The following SH3YL1 variants were observed in gnomAD, a reference collection of about 807,000 sequenced individuals.
SH3YL1 encodes SH3 domain-containing YSC84-like protein 1.
Under a neutral mutation model 45.8 loss-of-function variants are expected in SH3YL1, and 41 were observed. The ratio of observed to expected loss-of-function variants is 0.89; its 90% CI spans 0.70 to 1.16. SH3YL1 has a LOEUF of 1.16. Ranked by LOEUF, SH3YL1 falls within the 50% of genes most tolerant of loss-of-function variation. The pLI is 0.00. For missense variants in SH3YL1, 389 were observed against 409.6 expected (o/e 0.95, Z 0.43); for synonymous variants, 152 against 151.4 (o/e 1.00, Z -0.03).
intron 9 of SH3YL1, 88 bp from the exon 10 acceptor site, chr2:219,089 G>A: frequency 9.6e-7 from 1 of 1,043,992 alleles, no homozygotes; most frequent in African/African-American, 1.6e-5. Flanking sequence ...AACCACTTAG[G>A]GCTTGGCATG....
chr2:242,755 A>T, intron 4 of SH3YL1: 1 of 1,486,320 alleles, frequency 6.7e-7, no homozygotes, highest in Non-Finnish European at 8.9e-7. Flanking sequence ...AACAACATCC[A>T]ATTATATGCT....
rs1298980500 is a variant in SH3YL1 at position 249,726 on chromosome 2, C to G, written c.226+5G>C. 1.9e-6 allele frequency: 3 copies of G among 1,548,006 alleles called. No individual in the cohort carries two copies. The highest frequency in any genetic ancestry group is 2.6e-6 in the Non-Finnish European group (3 of 1,143,600). On this transcript the variant is annotated splice_donor_5th_base_variant and intron_variant, in intron 3 of 9. Coordinates refer to ENST00000356150, the MANE Select transcript of SH3YL1 (RefSeq NM_015677.4). Reference sequence around the variant, plus strand: ...CTCTACTCCAGTGAACAGACGCCAACTTACTTCCATCTGGAAGGCGCGCCA... The same window carrying G: ...CTCTACTCCAGTGAACAGACGCCAAGTTACTTCCATCTGGAAGGCGCGCCA...
intron 4 of SH3YL1, among the ~76,000 whole-genome samples, chr2:243,841 G>A (rs527983891): frequency 1.3e-5 from 2 of 152,158 alleles, no homozygotes; most frequent in African/African-American, 4.8e-5. Context: ...TGAAAATAAT[G>A]TGTGTTTTGC....
At chr2:241,836 TA>T (rs1353451957) in intron 4 of SH3YL1, 5 of 152,074 alleles carry the variant, frequency 3.3e-5, no homozygotes, top group Non-Finnish European at 5.9e-5. Context: ...ATTCCCAGAT[TA>T]AAAATTTTTT....
At chr2:223,070 T>C (rs920662088) in intron 9 of SH3YL1, 1 of 152,232 alleles carries the variant, frequency 6.6e-6, no homozygotes, top group Non-Finnish European at 1.5e-5. Flanking sequence ...TAAAGGAATA[T>C]TAACTCAGTT....
chr2:248,163 CTAAG>C (rs1428869692), intron 3 of SH3YL1, among the ~76,000 whole-genome samples: 1 of 152,158 alleles, frequency 6.6e-6, no homozygotes, highest in Non-Finnish European at 1.5e-5. Context: ...CATTTAGAAA[CTAAG>C]TACAGTAATT....
chr2:226,594 C>T (rs80161081), intron 8 of SH3YL1, among the ~76,000 whole-genome samples: 4,342 of 152,090 alleles, frequency 0.029, 80 homozygotes, highest in South Asian at 0.046. Context: ...GTTGAAAATG[C>T]ACTTGGTGGG....
chr2:247,727 C>A, intron 3 of SH3YL1, 125 bp from the exon 4 acceptor site: 1 of 676,700 alleles, frequency 1.5e-6, no homozygotes, highest in East Asian at 2.9e-5. Context: ...GGTATTTCCC[C>A]TGATTTTAAA....
chr2:262,684 G>A, intron 1 of SH3YL1: 1 of 1,303,370 alleles, frequency 7.7e-7, no homozygotes, highest in African/African-American at 1.5e-5. Flanking sequence ...CAGAGTCAGG[G>A]TAGCAGTTAT....
chr2:234,827 C>T (rs1256354086), intron 4 of SH3YL1, among the ~76,000 whole-genome samples: 1 of 152,188 alleles, frequency 6.6e-6, no homozygotes, highest in Non-Finnish European at 1.5e-5. Flanking sequence ...GCTCAACACA[C>T]CAGAAAGCAA....
intron 8 of SH3YL1, chr2:229,756 G>C (rs898025202): frequency 6.4e-6 from 2 of 311,294 alleles, no homozygotes; most frequent in Non-Finnish European, 1.2e-5. Context: ...AAAAGAAAGT[G>C]TCTTATGAAT....
intron 4 of SH3YL1, chr2:242,879 T>A: frequency 1.4e-6 from 2 of 1,472,506 alleles, no homozygotes; most frequent in Admixed American, 5.4e-5. Context: ...ACTCTTTATA[T>A]CAAACAACAA....
At chr2:225,037 T>G in intron 8 of SH3YL1, 117 bp from the exon 9 acceptor site, 1 of 766,824 alleles carries the variant, frequency 1.3e-6, no homozygotes. Flanking sequence ...ACTAAGTTGA[T>G]AGGATCATCA....
In SH3YL1 at chr2:243,405, T is replaced by C. The variant is rs1314958796; in HGVS notation, c.291+4133A>G. On this transcript the variant is annotated intron_variant, in intron 4 of 9. Transcript: ENST00000356150. ...GGGAAATTTATAAATATGTGGACATTAAGCAACACACTCTTAAATAACAAA... is the reference window on the plus strand; with the variant it reads ...GGGAAATTTATAAATATGTGGACATCAAGCAACACACTCTTAAATAACAAA... The C allele has an allele frequency of 3.3e-6, 4 of 1,200,358 alleles. No individual in the cohort carries two copies. In the East Asian group the frequency reaches 8.5e-5, roughly 26 times the overall value. The allele number at this position is 1,200,358 out of a possible 1,614,324, so 74.4% of individuals were successfully genotyped here. A position where few individuals can be genotyped will look rare whatever the true frequency, so the allele number is the denominator to read the frequency against.
Position 224,850 on chromosome 2 carries a change from A to G in SH3YL1, c.838+14T>C. 6.4e-7 allele frequency: 1 copy of G among 1,571,186 alleles called. No individual in the cohort carries two copies. The highest frequency in any genetic ancestry group is 8.8e-7 in the Non-Finnish European group (1 of 1,141,148). ...AATATGAATCATTTATAACATATAG[A>G]TTTACTGATTTACCAACTCTCTCAT... On this transcript the variant is annotated intron_variant, in intron 9 of 9. Coordinates refer to ENST00000356150, the MANE Select transcript of SH3YL1 (RefSeq NM_015677.4).
intron 7 of SH3YL1, 32 bp from the exon 8 acceptor site, chr2:230,076 T>A (rs779820541): frequency 1.5e-4 from 230 of 1,531,824 alleles, no homozygotes; most frequent in Non-Finnish European, 1.9e-4. Flanking sequence ...ATACACATAA[T>A]TTTAAAATCT....
intron 1 of SH3YL1, among the ~76,000 whole-genome samples, chr2:255,000 T>G (rs1316629647): frequency 6.6e-6 from 1 of 152,222 alleles, no homozygotes; most frequent in East Asian, 1.9e-4. Flanking sequence ...TAATCAATCT[T>G]ACATATATTG....
intron 6 of SH3YL1, among the ~76,000 whole-genome samples, chr2:231,996 G>A (rs951662452): frequency 7.9e-4 from 119 of 151,570 alleles, no homozygotes; most frequent in Non-Finnish European, 1.5e-3. Flanking sequence ...TGTCTGCCAC[G>A]CGTGGCGAAT....
chr2:219,052 G>A (rs757556058), intron 9 of SH3YL1, 51 bp from the exon 10 acceptor site: 2 of 1,493,418 alleles, frequency 1.3e-6, no homozygotes, highest in Admixed American at 2.0e-5. Flanking sequence ...GGAGAAATTG[G>A]GGGTATCTGC....
Sources: gnomAD v4.1 joint callset for allele counts (sites outside exome capture counted in the v4.1 genomes callset) on GRCh38, gnomAD v4.1.1 for gene constraint, MANE v1.5 for transcripts, NCBI Gene and HGNC (gene_info 2026-07-23, HGNC 2026-07-21) for gene names.